The following BCL6 variants were observed in gnomAD, a reference collection of about 807,000 sequenced individuals.
The protein encoded by BCL6 is B-cell lymphoma 6 protein.
BCL6 carries 7 observed loss-of-function variants against 59.5 expected under a neutral mutation model. The ratio of observed to expected loss-of-function variants is 0.12; its 90% CI spans 0.07 to 0.22. The LOEUF is 0.22. Among genes scored for constraint, BCL6 ranks in the 10% least tolerant of loss-of-function variants. The pLI is 1.00. For synonymous variants in BCL6, 339 were observed against 349.7 expected (o/e 0.97, Z 0.34); for missense variants, 685 against 939.4 (o/e 0.73, Z 3.54).
intron 1 of BCL6, among the ~76,000 whole-genome samples, chr3:187,744,809 G>T (rs1711823159): frequency 1.4e-5 from 2 of 144,846 alleles, no homozygotes; most frequent in East Asian, 2.0e-4. Context: ...CAGGAGCGAC[G>T]GAGCAAGGAA....
chr3:187,733,406 T>C, intron 3 of BCL6, 127 bp downstream of exon 3: 2 of 1,119,728 alleles, frequency 1.8e-6, no homozygotes, highest in Non-Finnish European at 2.6e-6. Context: ...GCCATGGTGC[T>C]GAGATCTGGA....
At position 187,733,559 on chromosome 3, in the gene BCL6, G is replaced by C. The variant is rs1383145479; in HGVS notation, c.135C>G (p.Ala45=). 6.2e-7 allele frequency: 1 copy of C among 1,614,018 alleles called. No homozygotes were observed. Among genetic ancestry groups the C allele is most frequent in the Non-Finnish European group, 8.5e-7 (1 of 1,179,984 alleles). The change falls in exon 3 of 10, where the codon GCC becomes GCG. Residue 45 remains alanine (A), a synonymous_variant. Coordinates refer to ENST00000406870, the MANE Select transcript of BCL6 (RefSeq NM_001706.5). ...TGCAGGCCATGAGGACCGTTTTATG[G>C]GCTCTAAACTGCTCACGGCTCACAA... is the stretch of plus-strand genomic sequence containing the variant. The part of the protein sequence containing the change: ...VIVVSREQFR[A]HKTVLMACSG...
rs777917130 is a variant in BCL6, at chr3:187,731,682, G to T, written c.383+27C>A. ...ATCGGGGACTATCTCTTCCATCTCC[G>T]ACGCTTCCACCCGGGTAGCAACTCA... On this transcript the variant is annotated intron_variant, in intron 4 of 9. Coordinates refer to ENST00000406870, the MANE Select transcript of BCL6 (RefSeq NM_001706.5). 6 of 1,608,166 alleles carry T rather than the reference G, an allele frequency of 3.7e-6. No homozygotes were observed. The Admixed American group carries it at 8.3e-5, about 22-fold the overall frequency.
At chr3:187,730,592 T>C (rs1718993035) in intron 4 of BCL6, among the ~76,000 whole-genome samples, 4 of 152,222 alleles carry the variant, frequency 2.6e-5, no homozygotes, top group Admixed American at 2.6e-4. Context: ...TATGAATCCC[T>C]GGTCTAGAGC....
chr3:187,723,023 G>A (rs141810270), intron 9 of BCL6, among the ~76,000 whole-genome samples: 283 of 152,300 alleles, frequency 1.9e-3, no homozygotes, highest in Non-Finnish European at 3.0e-3. Context: ...TCCTTCTTCA[G>A]TGGGTAACAC....
chr3:187,724,874 G>A (rs79388315), intron 9 of BCL6, 67 bp downstream of exon 9: 15 of 1,595,128 alleles, frequency 9.4e-6, no homozygotes, highest in South Asian at 5.6e-5. Flanking sequence ...CCTTCCCTGC[G>A]CTCCACCTCC....
At position 187,725,721 on chromosome 3, in the gene BCL6, C is replaced by G. The variant is rs961531668; in HGVS notation, c.1709-92G>C. On this transcript the variant is annotated intron_variant, in intron 7 of 9. Coordinates refer to ENST00000406870, the MANE Select transcript of BCL6 (RefSeq NM_001706.5). This position sits in a 1 kb window ranked among gnomAD's most constrained non-coding sequence, Gnocchi z 4.7. ...TCCTGGATTTCTAAGCAGCCTGCTC[C>G]TCCCTGAGGCCACTTGTGTTTTCCT... is the stretch of plus-strand genomic sequence containing the variant. 2 of 1,478,966 alleles carry G rather than the reference C, an allele frequency of 1.4e-6. No individual in the cohort carries two copies. The highest frequency in any genetic ancestry group is 1.8e-6 in the Non-Finnish European group (2 of 1,082,352). The allele number at this position is 1,478,966 out of a possible 1,614,324, so 91.6% of individuals were successfully genotyped here. A position where few individuals can be genotyped will look rare whatever the true frequency, so the allele number is the denominator to read the frequency against.
chr3:187,745,208 G>A (rs6793021), intron 1 of BCL6, among the ~76,000 whole-genome samples: 23 of 151,900 alleles, frequency 1.5e-4, no homozygotes, highest in Middle Eastern at 6.8e-3. Flanking sequence ...ACACCTGACA[G>A]CTAGAATAAA....
intron 1 of BCL6, among the ~76,000 whole-genome samples, chr3:187,743,329 G>A (rs149193469): frequency 3.7e-4 from 56 of 151,982 alleles, no homozygotes; most frequent in African/African-American, 1.2e-3. Flanking sequence ...GCGGGTTGTG[G>A]GGTGGCGGGG....
chr3:187,737,809 G>A (rs949120392), intron 1 of BCL6: 4 of 144,642 alleles, frequency 2.8e-5, no homozygotes, highest in Non-Finnish European at 4.5e-5. Context: ...GGCAATGAGG[G>A]GAATGACACA....
chr3:187,744,729 G>A (rs531143411), intron 1 of BCL6, among the ~76,000 whole-genome samples: 11 of 152,120 alleles, frequency 7.2e-5, no homozygotes, highest in South Asian at 4.2e-4. Context: ...GCCTCCCGGA[G>A]TTACCCAGAA....
intron 1 of BCL6, among the ~76,000 whole-genome samples, chr3:187,739,946 C>T (rs1454328835): frequency 6.6e-6 from 1 of 152,202 alleles, no homozygotes. Flanking sequence ...AACTTGACCG[C>T]GCTTCAAACT....
chr3:187,737,241 T>A (rs1436605184), intron 1 of BCL6: 1 of 149,908 alleles, frequency 6.7e-6, no homozygotes, highest in Non-Finnish European at 1.5e-5. Context: ...CATAGCCAAC[T>A]AGGCTCCTTG....
intron 1 of BCL6, among the ~76,000 whole-genome samples, chr3:187,744,112 G>A (rs145935014): frequency 2.6e-5 from 4 of 152,194 alleles, no homozygotes; most frequent in African/African-American, 4.8e-5. Context: ...TTTTTACAGA[G>A]CTTGCACCAT....
rs767829359 is a variant in BCL6 at position 187,725,583 on chromosome 3, C to T, written c.1755G>A (p.Arg585=). 15 of 1,614,108 alleles carry T rather than the reference C, an allele frequency of 9.3e-6. No individual in the cohort carries two copies. Among genetic ancestry groups the T allele is most frequent in the Non-Finnish European group, 1.3e-5 (15 of 1,180,050 alleles). ...GAGTGTGGGTTTTCAGGTTGGCTGGCCGGTTGAACTGGGCCCCACAGATGT... is the reference window on the plus strand; with the variant it reads ...GAGTGTGGGTTTTCAGGTTGGCTGGTCGGTTGAACTGGGCCCCACAGATGT... ...RCNICGAQFN[R]PANLKTHTRI... Residue 585 remains arginine, a synonymous_variant, in exon 8 of 10, where the codon CGG becomes CGA. Transcript: ENST00000406870. This position sits in a 1 kb window ranked among gnomAD's most constrained non-coding sequence, Gnocchi z 4.7.
intron 3 of BCL6, chr3:187,732,402 T>C (rs1389890929): frequency 2.3e-6 from 1 of 433,470 alleles, no homozygotes; most frequent in Non-Finnish European, 4.6e-6. Flanking sequence ...TAAATAAAAA[T>C]ATGCCTACAT....
At chr3:187,744,472 A>G (rs1393496744) in intron 1 of BCL6, among the ~76,000 whole-genome samples, 1 of 152,122 alleles carries the variant, frequency 6.6e-6, no homozygotes, top group Admixed American at 6.5e-5. Context: ...GCTCCCCAAA[A>G]CACAGGGGCA....
At chr3:187,745,299 T>G (rs1286607455) in intron 1 of BCL6, 111 bp downstream of exon 1, 1 of 398,462 alleles carries the variant, frequency 2.5e-6, no homozygotes, top group African/African-American at 2.1e-5. Context: ...AAAAAAAGAA[T>G]TAAAAGGTAA....
Position 187,729,784 on chromosome 3 carries a change from G to T in BCL6, c.621C>A (p.Leu207=), listed in dbSNP as rs1434402411. The change falls in exon 5 of 10, where the codon CTC becomes CTA. Residue 207 remains leucine (L), a synonymous_variant. Coordinates refer to ENST00000406870, the MANE Select transcript of BCL6 (RefSeq NM_001706.5). This position sits in a 1 kb window ranked among gnomAD's most constrained non-coding sequence, Gnocchi z 5.6. ...CATCCCGAAACTCCTCATCGGAGAA[G>T]AGGAGGCTGCTGACAGGGAGGTGGC... ...MYSHLPVSSL[L]FSDEEFRDVR... 6.2e-6 allele frequency: 10 copies of T among 1,614,120 alleles called. No homozygotes were observed. The highest frequency in any genetic ancestry group is 6.8e-6 in the Non-Finnish European group (8 of 1,180,050).
Sources: gnomAD v4.1 joint callset for allele counts (sites outside exome capture counted in the v4.1 genomes callset) on GRCh38, gnomAD v4.1.1 for gene constraint, Gnocchi (gnomAD v3.1) non-coding constraint, MANE v1.5 for transcripts, NCBI Gene and HGNC (gene_info 2026-07-23, HGNC 2026-07-21) for gene names.